Variants in DNAH5 observed in about 807,000 individuals in gnomAD.
The protein encoded by DNAH5 is dynein axonemal heavy chain 5.
Under a neutral mutation model 518.2 loss-of-function variants are expected in DNAH5, and 372 were observed. The observed-to-expected ratio is 0.72, with a 90% CI of 0.66 to 0.78. The LOEUF is 0.78. Ranked by LOEUF, DNAH5 falls within the 30% of genes least tolerant of loss-of-function variation. The pLI is 0.00. For synonymous variants in DNAH5, 2,039 were observed against 2,025.9 expected (o/e 1.01, Z -0.17); for missense variants, 5,523 against 5,687.0 (o/e 0.97, Z 0.93).
chr5:13,933,801 A>AAC (rs889755246), intron 1 of DNAH5, among the ~76,000 whole-genome samples: 2 of 151,788 alleles, frequency 1.3e-5, no homozygotes, highest in African/African-American at 4.8e-5. Flanking sequence ...AAAAAAAAAA[A>AAC]AAAAAAAACT....
chr5:13,779,409 G>C (rs1160528423), intron 53 of DNAH5, among the ~76,000 whole-genome samples: 1 of 152,192 alleles, frequency 6.6e-6, no homozygotes. Context: ...CCAATGCTTA[G>C]TAACTTTCAG....
At chr5:13,815,271 A>C (rs1761302835) in intron 42 of DNAH5, among the ~76,000 whole-genome samples, 1 of 152,214 alleles carries the variant, frequency 6.6e-6, no homozygotes, top group East Asian at 1.9e-4. Flanking sequence ...GTGGTCGATA[A>C]GATATTCCAG....
intron 31 of DNAH5, 69 bp downstream of exon 31, chr5:13,850,583 G>A (rs1424773452): frequency 7.0e-7 from 1 of 1,427,598 alleles, no homozygotes; most frequent in African/African-American, 1.4e-5. Context: ...TTTGGCTAAT[G>A]CTATCTAGTC....
rs1463819896 is a variant in DNAH5 at position 13,697,499 on chromosome 5, C to T, written c.13723+3141G>A. 7.9e-5 allele frequency among the ~76,000 whole-genome samples: 12 copies of T among 152,336 alleles called. No homozygotes were observed. In the East Asian group the frequency reaches 2.3e-3, roughly 29 times the overall value. On this transcript the variant is annotated intron_variant, in intron 78 of 78. Transcript: ENST00000265104. ...AATCCTTATTCCCTTCAACAAATCA[C>T]AGCCTCTCTAGCTTGTTGTCCTCAA... is the stretch of plus-strand genomic sequence containing the variant.
intron 10 of DNAH5, 25 bp downstream of exon 10, chr5:13,914,495 A>T: frequency 1.2e-6 from 2 of 1,610,184 alleles, no homozygotes; most frequent in Non-Finnish European, 1.7e-6. Context: ...AGAATAGAAC[A>T]TCTAAATACT....
intron 66 of DNAH5, 124 bp from the exon 67 acceptor site, chr5:13,736,056 A>G (rs1413304734): frequency 1.3e-6 from 1 of 741,816 alleles, no homozygotes; most frequent in Non-Finnish European, 2.5e-6. Flanking sequence ...GCTGCCTACC[A>G]GATACGGGAT....
In DNAH5 at chr5:13,850,752, C is replaced by T; in HGVS notation, c.5014G>A (p.Val1672Met). 1 of 1,614,146 alleles carries T rather than the reference C, an allele frequency of 6.2e-7. No individual in the cohort carries two copies. Among genetic ancestry groups the T allele is most frequent in the Non-Finnish European group, 8.5e-7 (1 of 1,179,984 alleles). Residue 1672 changes from valine (V) to methionine (M), a missense_variant, in exon 31 of 79, where the codon GTG becomes ATG. Physicochemically the swap from Val to Met is conservative, Grantham distance 21. Coordinates refer to ENST00000265104, the MANE Select transcript of DNAH5 (RefSeq NM_001369.3). Reference sequence around the variant, plus strand: ...ACACAGCACTGGACTACACTGGGCACTTCATGTGCCCGAGTCATGATCTTC... The same window carrying T: ...ACACAGCACTGGACTACACTGGGCATTTCATGTGCCCGAGTCATGATCTTC... ...WVKIMTRAHEVPSVVQCCVGD... is the reference protein window; with the variant it reads ...WVKIMTRAHEMPSVVQCCVGD...
At chr5:13,799,710 T>G (rs1758439036) in intron 47 of DNAH5, among the ~76,000 whole-genome samples, 1 of 152,224 alleles carries the variant, frequency 6.6e-6, no homozygotes, top group Non-Finnish European at 1.5e-5. Context: ...TCTGAAATGC[T>G]TGGAACCAGA....
intron 17 of DNAH5, among the ~76,000 whole-genome samples, chr5:13,890,137 T>C (rs2151947526): frequency 6.6e-6 from 1 of 152,310 alleles, no homozygotes; most frequent in South Asian, 2.1e-4. Flanking sequence ...CCGGGCGCAG[T>C]GGCTCACGCC....
chr5:13,890,913 T>G, intron 17 of DNAH5, 63 bp downstream of exon 17: 1 of 1,591,870 alleles, frequency 6.3e-7, no homozygotes, highest in Non-Finnish European at 8.6e-7. Flanking sequence ...TTCAAAAAAG[T>G]GACCTTTATA....
intron 30 of DNAH5, among the ~76,000 whole-genome samples, chr5:13,858,842 A>G (rs2652780): frequency 0.061 from 9,334 of 152,242 alleles, 289 homozygotes; most frequent in African/African-American, 0.078. Context: ...ATAATCTTGC[A>G]TACGACTTAA....
At chr5:13,701,960 G>A (rs1034553059) in intron 76 of DNAH5, among the ~76,000 whole-genome samples, 2 of 152,160 alleles carry the variant, frequency 1.3e-5, no homozygotes, top group African/African-American at 4.8e-5. Context: ...TTTTAACGGG[G>A]TAAACAACAG....
intron 1 of DNAH5, among the ~76,000 whole-genome samples, chr5:13,977,454 G>T (rs373516592): frequency 6.6e-6 from 1 of 150,474 alleles, no homozygotes; most frequent in East Asian, 2.0e-4. Context: ...ATTTCTCACC[G>T]CTCAGGAGGC....
intron 9 of DNAH5, among the ~76,000 whole-genome samples, chr5:13,915,869 A>T (rs1289675220): frequency 6.6e-6 from 1 of 152,166 alleles, no homozygotes. Context: ...CAGAATCATT[A>T]TAATTGCTTT....
intron 5 of DNAH5, 62 bp from the exon 6 acceptor site, chr5:13,920,679 C>G (rs1055616682): frequency 1.1e-4 from 177 of 1,588,194 alleles, no homozygotes; most frequent in Non-Finnish European, 1.5e-4. Context: ...GACTGTGGGC[C>G]CTGTGTTTTC....
At chr5:13,760,589 C>G (rs886570154) in intron 60 of DNAH5, among the ~76,000 whole-genome samples, 2 of 152,138 alleles carry the variant, frequency 1.3e-5, no homozygotes, top group Non-Finnish European at 2.9e-5. Context: ...TTATAAGGAA[C>G]TTGAATAGAA....
In DNAH5 at chr5:13,711,126, C is replaced by T. The variant is rs536077298; in HGVS notation, c.13126-2791G>A. Reference sequence around the variant, plus strand: ...AGATGCTAAAATCCTTAACAAAATACTAGCTAACTGAATCCAACAACATAT... The same window carrying T: ...AGATGCTAAAATCCTTAACAAAATATTAGCTAACTGAATCCAACAACATAT... On this transcript the variant is annotated intron_variant, in intron 75 of 78. Transcript: ENST00000265104. Among the ~76,000 whole-genome samples, 421 of 152,280 alleles carry T rather than the reference C, an allele frequency of 2.8e-3. 3 individuals are homozygous for T. Among genetic ancestry groups the T allele is most frequent in the Non-Finnish European group, 4.4e-3 (302 of 68,014 alleles).
chr5:13,970,003 T>C (rs751959925), intron 1 of DNAH5, among the ~76,000 whole-genome samples: 8 of 152,222 alleles, frequency 5.3e-5, no homozygotes, highest in Non-Finnish European at 1.0e-4. Context: ...TATTTAAGAT[T>C]GTGATATTTT....
chr5:13,774,659 A>C lies in DNAH5; in HGVS notation c.9373+1780T>G, dbSNP rs568368895. Among the ~76,000 whole-genome samples, 21 of 152,296 alleles carry C rather than the reference A, an allele frequency of 1.4e-4. No individual in the cohort carries two copies. The South Asian group carries it at 3.9e-3, about 29-fold the overall frequency. On this transcript the variant is annotated intron_variant, in intron 55 of 78. Coordinates refer to ENST00000265104, the MANE Select transcript of DNAH5 (RefSeq NM_001369.3). ...AATAAATGAACAAATAGATTAATGC[A>C]TGAAGGTTGGGATATTTGCTAGCAA...
Sources: allele counts gnomAD v4.1 joint callset (sites outside exome capture counted in the v4.1 genomes callset), GRCh38; gene constraint gnomAD v4.1.1; transcripts MANE v1.5; gene names NCBI Gene and HGNC (gene_info 2026-07-23, HGNC 2026-07-21).